Variants in TNR observed in about 807,000 individuals in gnomAD.
The protein encoded by TNR is tenascin-R.
TNR carries 45 observed loss-of-function variants against 150.4 expected under a neutral mutation model. That is an observed-to-expected ratio of 0.30 (90% CI 0.24 to 0.38). The LOEUF (loss-of-function observed/expected upper bound fraction) is 0.38. Among genes scored for constraint, TNR ranks in the 10% least tolerant of loss-of-function variants. TNR has a pLI of 1.00. For missense variants in TNR, 1,544 were observed against 1,759.1 expected, an observed-to-expected ratio of 0.88 and a Z score of 2.19; for synonymous variants, 687 against 678.4, an observed-to-expected ratio of 1.01 and a Z score of -0.20.
At chr1:175,390,368 A>G (rs1399819567) in intron 7 of TNR, among the ~76,000 whole-genome samples, 1 of 152,178 alleles carries the variant, frequency 6.6e-6, no homozygotes, top group Non-Finnish European at 1.5e-5. Flanking sequence ...ACCTATCTCA[A>G]TTTCTGTTAC....
chr1:175,434,150 G>A lies in TNR; in HGVS notation c.-63-27373C>T, dbSNP rs140407110. 4.7e-3 allele frequency among the ~76,000 whole-genome samples: 710 copies of A among 152,232 alleles called. 1 individual carries two copies. The highest frequency in any genetic ancestry group is 8.0e-3 in the Non-Finnish European group (545 of 68,006). On this transcript the variant is annotated intron_variant, in intron 2 of 22. Coordinates refer to ENST00000367674, the MANE Select transcript of TNR (RefSeq NM_003285.3). ...CATTTTCAAGATTCGTCCACATGCT[G>A]GTTTCCTAGGAAGGTTCTGACAGCC... is the stretch of plus-strand genomic sequence containing the variant.
chr1:175,640,789 G>T (rs905574852), intron 1 of TNR, among the ~76,000 whole-genome samples: 5 of 143,458 alleles, frequency 3.5e-5, no homozygotes, highest in Non-Finnish European at 7.4e-5. Context: ...GTGTGTGTGT[G>T]GGTATATATA....
chr1:175,736,315 A>G (rs1667767700), intron 1 of TNR, among the ~76,000 whole-genome samples: 1 of 152,186 alleles, frequency 6.6e-6, no homozygotes, highest in African/African-American at 2.4e-5. Context: ...AGGTCAGGAT[A>G]TCGAGACCAT....
intron 1 of TNR, among the ~76,000 whole-genome samples, chr1:175,558,833 G>C (rs549446425): frequency 6.6e-6 from 1 of 152,178 alleles, no homozygotes; most frequent in Non-Finnish European, 1.5e-5. Flanking sequence ...AAACTACTTT[G>C]TGTGATACTG....
At chr1:175,356,598 T>G in intron 15 of TNR, 136 bp from the exon 16 acceptor site, 1 of 1,029,714 alleles carries the variant, frequency 9.7e-7, no homozygotes, top group South Asian at 1.7e-5. Context: ...TTATCTAGCT[T>G]AGTATCTTAC....
At chr1:175,540,403 T>G (rs1660455815) in intron 1 of TNR, among the ~76,000 whole-genome samples, 1 of 152,022 alleles carries the variant, frequency 6.6e-6, no homozygotes, top group South Asian at 2.1e-4. Flanking sequence ...TTGGGGATGG[T>G]GAGGAGAAGG....
intron 2 of TNR, among the ~76,000 whole-genome samples, chr1:175,488,163 G>C (rs1477663455): frequency 6.6e-6 from 1 of 152,206 alleles, no homozygotes; most frequent in East Asian, 1.9e-4. Context: ...CCAAGCTGTT[G>C]TAAGAAGCAG....
intron 1 of TNR, among the ~76,000 whole-genome samples, chr1:175,654,017 C>T (rs1665096325): frequency 6.6e-6 from 1 of 152,150 alleles, no homozygotes; most frequent in South Asian, 2.1e-4. Flanking sequence ...TTTTTATTTA[C>T]TCCAGCATGC....
chr1:175,589,279 C>G (rs577930799), intron 1 of TNR, among the ~76,000 whole-genome samples: 15 of 152,264 alleles, frequency 9.9e-5, no homozygotes, highest in Admixed American at 3.3e-4. Context: ...TCTTTTCTTC[C>G]TTTTCTACAA....
At chr1:175,568,300 A>G (rs1235203993) in intron 1 of TNR, among the ~76,000 whole-genome samples, 1 of 147,648 alleles carries the variant, frequency 6.8e-6, no homozygotes, top group East Asian at 2.1e-4. Context: ...TACAAGCCTA[A>G]CTGCTGTTTT....
At chr1:175,552,738 C>A (rs1442952538) in intron 1 of TNR, among the ~76,000 whole-genome samples, 1 of 152,178 alleles carries the variant, frequency 6.6e-6, no homozygotes, top group Non-Finnish European at 1.5e-5. Context: ...CCCTGTCTGT[C>A]CACCACATCA....
At chr1:175,623,199 TG>T (rs1664036805) in intron 1 of TNR, among the ~76,000 whole-genome samples, 1 of 152,230 alleles carries the variant, frequency 6.6e-6, no homozygotes, top group Admixed American at 6.5e-5. Context: ...TCATAAACTC[TG>T]TGTATACAAA....
chr1:175,704,183 G>A (rs1250057608), intron 1 of TNR, among the ~76,000 whole-genome samples: 3 of 152,116 alleles, frequency 2.0e-5, no homozygotes, highest in African/African-American at 4.8e-5. Context: ...TAAACTGTAC[G>A]CTTAAAAATG....
intron 1 of TNR, among the ~76,000 whole-genome samples, chr1:175,612,402 T>C (rs1423402754): frequency 1.3e-5 from 2 of 152,214 alleles, no homozygotes; most frequent in South Asian, 2.1e-4. Context: ...GTGAACTTTA[T>C]AGGAATTCCT....
At chr1:175,573,999 T>C (rs1661995488) in intron 1 of TNR, among the ~76,000 whole-genome samples, 1 of 152,236 alleles carries the variant, frequency 6.6e-6, no homozygotes, top group South Asian at 2.1e-4. Context: ...GGGCCCTTCC[T>C]TGGATATGAG....
intron 1 of TNR, among the ~76,000 whole-genome samples, chr1:175,579,300 G>T (rs1047300446): frequency 6.6e-6 from 1 of 151,864 alleles, no homozygotes; most frequent in Admixed American, 6.6e-5. Context: ...TATAACACAA[G>T]ATATTTTACA....
chr1:175,360,554 A>G (rs917005976), intron 14 of TNR, among the ~76,000 whole-genome samples: 8 of 152,186 alleles, frequency 5.3e-5, no homozygotes, highest in Admixed American at 3.3e-4. Context: ...TCACAAGTGG[A>G]TGTTATTACA....
chr1:175,577,775 C>T (rs951969234), intron 1 of TNR, among the ~76,000 whole-genome samples: 2 of 152,180 alleles, frequency 1.3e-5, no homozygotes, highest in South Asian at 2.1e-4. Flanking sequence ...CCAGCTGCAG[C>T]AGAGCAGCAC....
chr1:175,391,572 T>C (rs1321250300), intron 6 of TNR, 134 bp from the exon 7 acceptor site: 84 of 973,960 alleles, frequency 8.6e-5, no homozygotes, highest in Non-Finnish European at 1.1e-4. Flanking sequence ...CTTTCCTCCA[T>C]GCTGACAGCT....
Sources: gnomAD v4.1 joint callset for allele counts (sites outside exome capture counted in the v4.1 genomes callset) on GRCh38, gnomAD v4.1.1 for gene constraint, MANE v1.5 for transcripts, NCBI Gene and HGNC (gene_info 2026-07-23, HGNC 2026-07-21) for gene names.